NR1I3: variants seen among roughly 807,000 people sequenced by gnomAD.
NR1I3 encodes the protein nuclear receptor subfamily 1 group I member 3.
Under a neutral mutation model 38.4 loss-of-function variants are expected in NR1I3, and 30 were observed. The observed-to-expected ratio is 0.78, with a 90% CI of 0.58 to 1.06. The LOEUF (loss-of-function observed/expected upper bound fraction) is 1.06, where lower values mean the gene tolerates loss of function less well. NR1I3 is among the 50% of genes least tolerant of loss of function. The pLI, the probability that NR1I3 is intolerant of heterozygous loss-of-function variation, is 0.00. For missense variants in NR1I3, 388 were observed against 435.7 expected (o/e 0.89, Z 0.97); for synonymous variants, 143 against 165.1 (o/e 0.87, Z 1.03).
At chr1:161,232,458 C>G (rs922010434) in intron 5 of NR1I3, among the ~76,000 whole-genome samples, 2 of 152,078 alleles carry the variant, frequency 1.3e-5, no homozygotes, top group African/African-American at 4.8e-5. Context: ...CCATCATGCC[C>G]AGCTAATTTT....
At chr1:161,237,436 T>C (rs191767440) in intron 1 of NR1I3, among the ~76,000 whole-genome samples, 1 of 151,804 alleles carries the variant, frequency 6.6e-6, no homozygotes, top group Admixed American at 6.6e-5. Flanking sequence ...ATTCCTGACT[T>C]AGGCCTGGTG....
In NR1I3 at chr1:161,232,830, A is replaced by T. The variant is rs1667662695; in HGVS notation, c.525T>A (p.Phe175Leu). 1.2e-6 allele frequency: 2 copies of T among 1,614,108 alleles called. No homozygotes were observed. Among genetic ancestry groups the T allele is most frequent in the Non-Finnish European group, 1.7e-6 (2 of 1,180,036 alleles). ...ACCGGAAGACGGGCAGGTCCTTAGT[A>T]AACTTGATGACTTGCAGTACCATGA... ...NTFMVLQVIK[F>L]TKDLPVFRSL... Residue 175 changes from phenylalanine to leucine, a missense_variant, in exon 5 of 9, where the codon TTT becomes TTA. Phe to Leu is a conservative substitution (Grantham distance 22, BLOSUM62 0). Coordinates refer to ENST00000367983, the MANE Select transcript of NR1I3 (RefSeq NM_005122.5).
At chr1:161,232,568 G>A (rs1283343245) in intron 5 of NR1I3, among the ~76,000 whole-genome samples, 1 of 152,168 alleles carries the variant, frequency 6.6e-6, no homozygotes, top group South Asian at 2.1e-4. Flanking sequence ...AAAGTGCTGG[G>A]ATTACTAGTG....
At position 161,231,772 on chromosome 1, in the gene NR1I3, G is replaced by A. The variant is rs372595530; in HGVS notation, c.549-298C>T. On this transcript the variant is annotated intron_variant, in intron 5 of 8. Transcript: ENST00000367983. ...CTGCCTTGACCTCTCAAAGTGCTGG[G>A]ATTACAGGCATGAGCCACTGCACCC... is the stretch of plus-strand genomic sequence containing the variant. Among the ~76,000 whole-genome samples the A allele has an allele frequency of 3.9e-5, 6 of 152,074 alleles. No homozygotes were observed. The South Asian group carries it at 8.3e-4, about 21-fold the overall frequency.
intron 1 of NR1I3, among the ~76,000 whole-genome samples, chr1:161,237,246 C>G (rs920130053): frequency 2.0e-5 from 3 of 150,414 alleles, no homozygotes; most frequent in African/African-American, 7.4e-5. Context: ...TGCTCTGTCA[C>G]CCAGGCTGGA....
chr1:161,230,576 T>A (rs1339329765), intron 8 of NR1I3: 2 of 604,368 alleles, frequency 3.3e-6, no homozygotes, highest in African/African-American at 3.7e-5. Context: ...CTACTTTGCA[T>A]CTGTACTGAA....
At chr1:161,236,025 T>C in intron 2 of NR1I3, 48 bp from the exon 3 acceptor site, 4 of 1,539,648 alleles carry the variant, frequency 2.6e-6, no homozygotes, top group Non-Finnish European at 2.6e-6. Context: ...AATGGATAGG[T>C]GAGGGGCTGA....
At chr1:161,236,057 T>C in intron 2 of NR1I3, 80 bp from the exon 3 acceptor site, 1 of 1,478,432 alleles carries the variant, frequency 6.8e-7, no homozygotes, top group Non-Finnish European at 9.1e-7. Flanking sequence ...CTAAAAGACC[T>C]GGGAATCTGG....
Position 161,236,443 on chromosome 1 carries a change from G to A in NR1I3, c.107+16C>T, listed in dbSNP as rs1668616505. ...TTGGTTTGGAGGGCTATTTCCATTG[G>A]GGAGGAGACTCTCACCTGAAGAAAC... On this transcript the variant is annotated intron_variant, in intron 2 of 8. Transcript: ENST00000367983. 1 of 1,613,946 alleles carries A rather than the reference G, an allele frequency of 6.2e-7. No individual in the cohort carries two copies. Among genetic ancestry groups the A allele is most frequent in the Non-Finnish European group, 8.5e-7 (1 of 1,179,934 alleles).
intron 3 of NR1I3, among the ~76,000 whole-genome samples, chr1:161,234,875 C>G (rs1668248232): frequency 1.3e-5 from 2 of 152,202 alleles, no homozygotes; most frequent in East Asian, 3.9e-4. Flanking sequence ...AAATAAAAAA[C>G]ACACCTGTAA....
intron 8 of NR1I3, 23 bp downstream of exon 8, chr1:161,230,790 A>G (rs1667026767): frequency 2.5e-6 from 4 of 1,613,926 alleles, no homozygotes; most frequent in Non-Finnish European, 3.4e-6. Context: ...TGTGGCCTCC[A>G]AGCCCTCAGT....
At chr1:161,235,818 G>C (rs141260451) in intron 3 of NR1I3, 29 bp downstream of exon 3, 38,083 of 1,613,438 alleles carry the variant, frequency 0.024, 648 homozygotes, top group South Asian at 0.061. Flanking sequence ...GCAGTCAATG[G>C]ATTCTTGAGA....
At chr1:161,230,242 G>C in intron 8 of NR1I3, 1 of 383,334 alleles carries the variant, frequency 2.6e-6, no homozygotes, top group Non-Finnish European at 4.8e-6. Context: ...TCTAGAGCAG[G>C]TTCTAGAAGG....
At position 161,229,730 on chromosome 1, in the gene NR1I3, CA is replaced by C. The variant is rs749380602; in HGVS notation, c.*66del. On this transcript the variant is annotated 3_prime_UTR_variant, in exon 9 of 9. Coordinates refer to ENST00000367983, the MANE Select transcript of NR1I3 (RefSeq NM_005122.5). ...TTGAACCCGGCCCAATCTTTGGTCC[CA>C]GCATTTTCCCACTCCAGTGTATCCA... The C allele has an allele frequency of 1.1e-5, 17 of 1,614,234 alleles. No homozygotes were observed. Among genetic ancestry groups the C allele is most frequent in the Non-Finnish European group, 1.4e-5 (16 of 1,180,048 alleles).
chr1:161,233,210 G>T lies in NR1I3; in HGVS notation c.367C>A (p.Arg123Ser). The T allele has an allele frequency of 6.2e-7, 1 of 1,614,210 alleles. No individual in the cohort carries two copies. The highest frequency in any genetic ancestry group is 8.5e-7 in the Non-Finnish European group (1 of 1,180,042). The change falls in exon 4 of 9, where the codon CGC becomes AGC. Residue 123 changes from arginine to serine, a missense_variant. Arg to Ser is a moderately radical substitution (Grantham distance 110). Transcript: ENST00000367983. ...LIRTLLGAHTRHMGTMFEQFV... is the reference protein window; with the variant it reads ...LIRTLLGAHTSHMGTMFEQFV... Reference sequence around the variant, plus strand: ...TGTTCAAACATGGTGCCCATGTGGCGGGTGTGGGCCCCCAGGAGTGTCCGG... The same window carrying T: ...TGTTCAAACATGGTGCCCATGTGGCTGGTGTGGGCCCCCAGGAGTGTCCGG...
chr1:161,234,001 T>C (rs1668040557), intron 3 of NR1I3, among the ~76,000 whole-genome samples: 1 of 151,572 alleles, frequency 6.6e-6, no homozygotes, highest in African/African-American at 2.4e-5. Flanking sequence ...TTGTTTTGTT[T>C]TGTTTTGAGA....
chr1:161,233,484 G>A, intron 3 of NR1I3, 146 bp from the exon 4 acceptor site: 1 of 832,810 alleles, frequency 1.2e-6, no homozygotes, highest in South Asian at 1.7e-5. Context: ...CTTGGGCTTG[G>A]CTAAAGTCCT....
rs1354128116 is a variant in NR1I3 at position 161,231,397 on chromosome 1, G to A, written c.626C>T (p.Thr209Ile). 1.9e-6 allele frequency: 3 copies of A among 1,566,832 alleles called. No homozygotes were observed. In the South Asian group the frequency reaches 3.6e-5, roughly 19 times the overall value. ...GAAGTTTTGTGTTTGGAGACAGAAA[G>A]TGGTATTGAGTACGATGTGACAGAT... ...VEICHIVLNTTFCLQTQNFLC... is the reference protein window; with the variant it reads ...VEICHIVLNTIFCLQTQNFLC... Residue 209 changes from threonine to isoleucine, a missense_variant, in exon 6 of 9, where the codon ACT (threonine) becomes ATT (isoleucine). Transcript: ENST00000367983.
chr1:161,236,278 A>G, intron 2 of NR1I3, 181 bp downstream of exon 2: 2 of 733,740 alleles, frequency 2.7e-6, no homozygotes, highest in Non-Finnish European at 4.4e-6. Flanking sequence ...TCCCTCTGTT[A>G]TGCCACCAGT....
Sources: allele counts gnomAD v4.1 joint callset (sites outside exome capture counted in the v4.1 genomes callset), GRCh38; gene constraint gnomAD v4.1.1; transcripts MANE v1.5; gene names NCBI Gene and HGNC (gene_info 2026-07-23, HGNC 2026-07-21).